The following BSPH1 variants were observed in gnomAD, a reference collection of about 807,000 sequenced individuals.
The protein encoded by BSPH1 is binder of sperm 1.
BSPH1 carries 21 observed loss-of-function variants against 22.5 expected under a neutral mutation model. The ratio of observed to expected loss-of-function variants is 0.93; its 90% confidence interval spans 0.66 to 1.35. The LOEUF is 1.35. Among genes scored for constraint, BSPH1 ranks in the 40% most tolerant of loss-of-function variants. The pLI is 0.00. For missense variants in BSPH1, 141 were observed against 154.2 expected, an observed-to-expected ratio of 0.91 and a Z score of 0.45; for synonymous variants, 42 against 53.6, an observed-to-expected ratio of 0.78 and a Z score of 0.95.
chr19:47,989,066 T>C (rs1417707060), intron 1 of BSPH1, among the ~76,000 whole-genome samples: 1 of 151,614 alleles, frequency 6.6e-6, no homozygotes, highest in African/African-American at 2.4e-5. Context: ...TCATGCTATT[T>C]AGTCTCTGCA....
rs1339351449 is a variant in BSPH1 at position 47,978,009 on chromosome 19, T to TATATATATATAG, written c.125-506_125-505insCTATATATATAT. 1.9e-3 allele frequency among the ~76,000 whole-genome samples: 197 copies of TATATATATATAG among 104,564 alleles called. 4 individuals carry two copies. Among genetic ancestry groups the TATATATATATAG allele is most frequent in the African/African-American group, 7.7e-3 (193 of 24,958 alleles). The allele number at this position is 104,564 out of a possible 152,430, so 68.6% of individuals were successfully genotyped here. A position where few individuals can be genotyped will look rare whatever the true frequency, so the allele number is the denominator to read the frequency against. Reference sequence around the variant, plus strand: ...CTGTATGGTTAATACAGGATATATATATATATATATATATATATATAGTTA... The same window carrying TATATATATATAG: ...CTGTATGGTTAATACAGGATATATATATATATATATAGATATATATATATATATATATAGTTA... On this transcript the variant is annotated intron_variant, in intron 3 of 5. Coordinates refer to ENST00000344839, the MANE Select transcript of BSPH1 (RefSeq NM_001128326.2).
chr19:47,976,656 C>T, intron 5 of BSPH1, 54 bp downstream of exon 5: 1 of 1,370,948 alleles, frequency 7.3e-7, no homozygotes, highest in East Asian at 3.0e-5. Context: ...ACTCTAGGTT[C>T]TTTCCAAGGA....
intron 1 of BSPH1, among the ~76,000 whole-genome samples, chr19:47,988,217 C>T (rs1029931135): frequency 6.6e-6 from 1 of 152,152 alleles, no homozygotes; most frequent in Non-Finnish European, 1.5e-5. Flanking sequence ...ACTACTAAAT[C>T]CAAACCCTTA....
At chr19:47,976,261 A>C (rs1214368586) in intron 5 of BSPH1, among the ~76,000 whole-genome samples, 1 of 152,110 alleles carries the variant, frequency 6.6e-6, no homozygotes, top group Non-Finnish European at 1.5e-5. Flanking sequence ...AGTAGCTGAG[A>C]CTACAAGTGT....
intron 4 of BSPH1, 145 bp downstream of exon 4, chr19:47,977,228 A>G: frequency 1.6e-6 from 1 of 635,230 alleles, no homozygotes; most frequent in South Asian, 2.1e-5. Context: ...TGTGATTTTT[A>G]TATCGTCAGA....
At chr19:47,986,999 C>T (rs1010220385) in intron 1 of BSPH1, among the ~76,000 whole-genome samples, 3 of 152,138 alleles carry the variant, frequency 2.0e-5, no homozygotes, top group South Asian at 4.1e-4. Context: ...TGTGACTATG[C>T]GTGCTTGTCT....
At chr19:47,987,222 T>C (rs946480756) in intron 1 of BSPH1, among the ~76,000 whole-genome samples, 1 of 152,158 alleles carries the variant, frequency 6.6e-6, no homozygotes, top group Non-Finnish European at 1.5e-5. Context: ...AGAATTTGAG[T>C]GTCACTAGAC....
At chr19:47,980,481 T>A (rs7255056) in intron 2 of BSPH1, 3 of 178,356 alleles carry the variant, frequency 1.7e-5, no homozygotes, top group Non-Finnish European at 2.4e-5. Context: ...TTCTTTCTTT[T>A]TTTTTTTTTT....
downstream of BSPH1, chr19:47,967,999 T>C (rs1343683013): frequency 6.6e-6 from 1 of 152,194 alleles, no homozygotes; most frequent in Non-Finnish European, 1.5e-5. Flanking sequence ...TGGACTCTGA[T>C]GTCCACTCAT....
chr19:47,992,142 G>T lies in BSPH1; in HGVS notation c.-61C>A. On this transcript the variant is annotated 5_prime_UTR_variant, in exon 1 of 6. Transcript: ENST00000344839. ...CTGGTCTTTGTCAGCCAGGGCTCAA[G>T]AATCCCCTGGAGAGGCCCAGGGAGG... 2.2e-6 allele frequency: 3 copies of T among 1,388,220 alleles called. No individual in the cohort carries two copies. The highest frequency in any genetic ancestry group is 2.5e-5 in the East Asian group (1 of 40,014). 86.0% of individuals were successfully genotyped at this position (1,388,220 alleles called of 1,614,324 possible).
chr19:47,983,687 T>C (rs1171346049), intron 1 of BSPH1, among the ~76,000 whole-genome samples: 1 of 152,144 alleles, frequency 6.6e-6, no homozygotes, highest in East Asian at 1.9e-4. Flanking sequence ...TTTCAAAAAA[T>C]ACCTTGCAAG....
intron 2 of BSPH1, chr19:47,980,530 G>C (rs1005893978): frequency 5.7e-6 from 1 of 174,394 alleles, no homozygotes; most frequent in Non-Finnish European, 1.1e-5. Flanking sequence ...GTGCAGTGGC[G>C]TGATCTCGGC....
intron 5 of BSPH1, among the ~76,000 whole-genome samples, chr19:47,971,496 G>A (rs1969311391): frequency 6.6e-6 from 1 of 152,198 alleles, no homozygotes; most frequent in Admixed American, 6.5e-5. Context: ...GTGAGGCACC[G>A]CACCCAGCCT....
chr19:47,986,078 G>A (rs1030911511), intron 1 of BSPH1, among the ~76,000 whole-genome samples: 16 of 152,060 alleles, frequency 1.1e-4, no homozygotes, highest in Admixed American at 9.2e-4. Flanking sequence ...GAAGCTGGTC[G>A]AACAGACTAG....
chr19:47,974,269 C>CTCTTTT (rs57733472), intron 5 of BSPH1, among the ~76,000 whole-genome samples: 16 of 76,002 alleles, frequency 2.1e-4, no homozygotes, highest in Middle Eastern at 7.8e-3. Context: ...CTCTCTCTCT[C>CTCTTTT]TTTTTTTTTT....
intron 5 of BSPH1, among the ~76,000 whole-genome samples, chr19:47,969,114 GTGCTGGTGACACCAGTGCACC>G (rs1969285907): frequency 6.6e-6 from 1 of 152,072 alleles, no homozygotes; most frequent in African/African-American, 2.4e-5. Context: ...GTTGGGGCTG[GTGCTGGTGACACCAGTGCACC>G]TGCAGACAAG....
At chr19:47,972,677 T>C (rs1423964273) in intron 5 of BSPH1, among the ~76,000 whole-genome samples, 2 of 152,140 alleles carry the variant, frequency 1.3e-5, no homozygotes, top group East Asian at 3.9e-4. Context: ...TTCTTCACAA[T>C]GGTTACCTCG....
intron 1 of BSPH1, among the ~76,000 whole-genome samples, chr19:47,981,403 G>A (rs1226636133): frequency 6.6e-6 from 1 of 152,118 alleles, no homozygotes; most frequent in Non-Finnish European, 1.5e-5. Context: ...ATACCTCTGA[G>A]GTATGTAGGA....
chr19:47,975,649 ATTT>A (rs199878812), intron 5 of BSPH1, among the ~76,000 whole-genome samples: 1 of 124,944 alleles, frequency 8.0e-6, no homozygotes, highest in African/African-American at 3.0e-5. Flanking sequence ...AAGGTAATGC[ATTT>A]TTTTTTTTTT....
Sources: allele counts gnomAD v4.1 joint callset (sites outside exome capture counted in the v4.1 genomes callset), GRCh38; gene constraint gnomAD v4.1.1; transcripts MANE v1.5; gene names NCBI Gene and HGNC (gene_info 2026-07-23, HGNC 2026-07-21).